ARID1B: variants seen among roughly 807,000 people sequenced by gnomAD.
ARID1B encodes AT-rich interaction domain 1B, also known as AT-rich interactive domain-containing protein 1B.
Under a neutral mutation model 212.3 loss-of-function variants are expected in ARID1B, and 30 were observed. That is an observed-to-expected ratio of 0.14 (90% CI 0.11 to 0.19). The LOEUF is 0.19. ARID1B is among the 10% of genes least tolerant of loss of function. The pLI is 1.00. For synonymous variants in ARID1B, 1,402 were observed against 1,301.7 expected (o/e 1.08, Z -1.66); for missense variants, 2,891 against 3,204.0 (o/e 0.90, Z 2.36).
intron 13 of ARID1B, chr6:157,186,518 G>A (rs1163294552): frequency 2.1e-6 from 1 of 471,058 alleles, no homozygotes; most frequent in Non-Finnish European, 4.4e-6. Context: ...TCGATTCACT[G>A]CCACCCACAC....
At chr6:157,164,996 G>A (rs1384672084) in intron 8 of ARID1B, among the ~76,000 whole-genome samples, 6 of 152,278 alleles carry the variant, frequency 3.9e-5, no homozygotes, top group South Asian at 4.1e-4. Flanking sequence ...CCCATCAGGC[G>A]CCACTTTTGA....
intron 4 of ARID1B, among the ~76,000 whole-genome samples, chr6:157,074,766 A>C (rs996327914): frequency 6.6e-6 from 1 of 152,112 alleles, no homozygotes; most frequent in Admixed American, 6.5e-5. Context: ...AGTGATCATC[A>C]GAGGAAACTT....
intron 2 of ARID1B, among the ~76,000 whole-genome samples, chr6:156,832,431 G>A (rs1185599009): frequency 6.6e-6 from 1 of 152,198 alleles, no homozygotes; most frequent in African/African-American, 2.4e-5. Flanking sequence ...TTATTGAGTG[G>A]ACATCACCAC....
chr6:156,884,656 C>T lies in ARID1B; in HGVS notation c.1987-16720C>T, dbSNP rs550259179. Among the ~76,000 whole-genome samples the T allele has an allele frequency of 3.9e-5, 6 of 152,234 alleles. No homozygotes were observed. The South Asian group carries it at 1.2e-3, about 32-fold the overall frequency. ...CATAGTCCGCTAAGGAGGTGGCTGCCATGTTTCTAGGATTATTAGGCTACC... is the reference window on the plus strand; with the variant it reads ...CATAGTCCGCTAAGGAGGTGGCTGCTATGTTTCTAGGATTATTAGGCTACC... On this transcript the variant is annotated intron_variant, in intron 2 of 19. Transcript: ENST00000636930.
chr6:156,859,691 T>A lies in ARID1B; in HGVS notation c.1986+30270T>A, dbSNP rs186393973. ...TAACTGGTATTAAAGCTTTTCTAGA[T>A]TAAAAGCCGTAGGTTGCAAAACATG... On this transcript the variant is annotated intron_variant, in intron 2 of 19. Coordinates refer to ENST00000636930, the MANE Select transcript of ARID1B (RefSeq NM_001374828.1). Among the ~76,000 whole-genome samples the A allele has an allele frequency of 2.1e-3, 313 of 152,362 alleles. 1 individual carries two copies. Among genetic ancestry groups the A allele is most frequent in the Non-Finnish European group, 2.8e-3 (190 of 68,036 alleles).
At chr6:157,091,848 A>AG (rs1363912732) in intron 5 of ARID1B, among the ~76,000 whole-genome samples, 10 of 152,362 alleles carry the variant, frequency 6.6e-5, no homozygotes, top group African/African-American at 2.4e-4. Flanking sequence ...TGACATTAGC[A>AG]GTAGACCCTC....
chr6:156,985,824 C>A (rs1443754229), intron 4 of ARID1B, among the ~76,000 whole-genome samples: 2 of 152,164 alleles, frequency 1.3e-5, no homozygotes, highest in African/African-American at 4.8e-5. Context: ...TCATCCTGTC[C>A]AAGTCACTCT....
At chr6:157,186,565 G>A (rs757400468) in intron 13 of ARID1B, 5 of 469,752 alleles carry the variant, frequency 1.1e-5, no homozygotes, top group African/African-American at 8.0e-5. Context: ...CCATCATTAG[G>A]GAAAGTGTCT....
chr6:157,080,862 G>A (rs1471157571), intron 4 of ARID1B, among the ~76,000 whole-genome samples: 2 of 152,142 alleles, frequency 1.3e-5, no homozygotes, highest in African/African-American at 4.8e-5. Context: ...CATGATTTTG[G>A]TTTTTGAAGG....
intron 1 of ARID1B, among the ~76,000 whole-genome samples, chr6:156,802,541 G>C (rs1382870019): frequency 6.6e-6 from 1 of 152,124 alleles, no homozygotes; most frequent in Non-Finnish European, 1.5e-5. Context: ...TTAATAAGGA[G>C]GACTTCAAAT....
chr6:157,021,726 C>T (rs971242119), intron 4 of ARID1B, among the ~76,000 whole-genome samples: 2 of 151,994 alleles, frequency 1.3e-5, no homozygotes, highest in South Asian at 4.2e-4. Flanking sequence ...CACCGTCCGC[C>T]CCGCGCGCCC....
intron 1 of ARID1B, among the ~76,000 whole-genome samples, chr6:156,788,780 C>T (rs543340551): frequency 4.6e-5 from 7 of 152,204 alleles, no homozygotes; most frequent in African/African-American, 1.7e-4. Flanking sequence ...CGGGGTCCTC[C>T]CTCAAATATA....
At chr6:157,054,930 T>C (rs1162212264) in intron 4 of ARID1B, among the ~76,000 whole-genome samples, 2 of 152,226 alleles carry the variant, frequency 1.3e-5, no homozygotes, top group Non-Finnish European at 2.9e-5. Flanking sequence ...GGTGGGTCTC[T>C]TTTCACATGG....
At chr6:156,897,221 T>TGCTGCTGCTGCTGCTGCTG (rs1562468311) in intron 2 of ARID1B, among the ~76,000 whole-genome samples, 1 of 78,826 alleles carries the variant, frequency 1.3e-5, no homozygotes, top group African/African-American at 4.3e-5. Context: ...TGCTGCTGCT[T>TGCTGCTGCTGCTGCTGCTG]CTTCTTCTTC....
chr6:156,906,188 G>A (rs1789359108), intron 3 of ARID1B, among the ~76,000 whole-genome samples: 1 of 152,002 alleles, frequency 6.6e-6, no homozygotes, highest in African/African-American at 2.4e-5. Flanking sequence ...AGAAGCTGGG[G>A]GTACTTTTGT....
At chr6:156,880,427 G>T (rs2128165609) in intron 2 of ARID1B, among the ~76,000 whole-genome samples, 1 of 152,296 alleles carries the variant, frequency 6.6e-6, no homozygotes, top group Middle Eastern at 3.4e-3. Flanking sequence ...GATTTATTGT[G>T]TAAGTTTTGC....
At chr6:156,869,468 T>C (rs187113033) in intron 2 of ARID1B, among the ~76,000 whole-genome samples, 4 of 152,358 alleles carry the variant, frequency 2.6e-5, no homozygotes, top group Admixed American at 6.5e-5. Context: ...CTCATAAATA[T>C]TAGCAAAATT....
At chr6:157,092,796 C>G (rs1216486235) in intron 5 of ARID1B, among the ~76,000 whole-genome samples, 3 of 152,182 alleles carry the variant, frequency 2.0e-5, no homozygotes, top group African/African-American at 7.2e-5. Context: ...TACAAGAAAG[C>G]CTGTGTCACC....
intron 3 of ARID1B, among the ~76,000 whole-genome samples, chr6:156,910,595 T>A (rs1789795699): frequency 6.6e-6 from 1 of 152,218 alleles, no homozygotes; most frequent in African/African-American, 2.4e-5. Context: ...GTTCTTCATG[T>A]TACTCACATT....
Sources: allele counts gnomAD v4.1 joint callset (sites outside exome capture counted in the v4.1 genomes callset), GRCh38; gene constraint gnomAD v4.1.1; transcripts MANE v1.5; gene names NCBI Gene and HGNC (gene_info 2026-07-23, HGNC 2026-07-21).